SCARA5: variants seen among roughly 807,000 people sequenced by gnomAD.
SCARA5 encodes scavenger receptor class A, member 5 (putative).
SCARA5 carries 45 observed loss-of-function variants against 46.3 expected under a neutral mutation model. The observed-to-expected ratio is 0.97, with a 90% CI of 0.76 to 1.24. The LOEUF is 1.24. Among genes scored for constraint, SCARA5 ranks in the 50% most tolerant of loss-of-function variants. The probability of loss-of-function intolerance (pLI) is 0.00; values close to 1 mark genes in which losing one functional copy is unlikely to be tolerated. For missense variants in SCARA5, 680 were observed against 689.0 expected (o/e 0.99, Z 0.15); for synonymous variants, 333 against 306.5 (o/e 1.09, Z -0.90).
chr8:27,897,471 C>G (rs144905532), intron 7 of SCARA5, among the ~76,000 whole-genome samples: 3 of 152,268 alleles, frequency 2.0e-5, no homozygotes, highest in African/African-American at 7.2e-5. Context: ...AAGATCCCAG[C>G]GTCATTTCTT....
chr8:27,879,713 C>A lies in SCARA5; in HGVS notation c.1207G>T (p.Glu403Ter), dbSNP rs1806781192. 6.2e-7 allele frequency: 1 copy of A among 1,612,956 alleles called. No homozygotes were observed. Among genetic ancestry groups the A allele is most frequent in the African/African-American group, 1.3e-5 (1 of 74,922 alleles). ...TCGTGGTACACTTCCACGCGGCCCT[C>A]GTGCGGACCTGAGCCATTCACCAGG... ...IRLVNGSGPHEGRVEVYHDRR... is the reference protein window; with the variant it reads ...IRLVNGSGPH The change falls in exon 8 of 9, where the codon GAG becomes TAG. Residue 403 changes from glutamate to a stop codon, truncating the protein, a stop_gained. Transcript: ENST00000354914. LOFTEE classifies it high-confidence loss of function.
chr8:27,958,850 G>A (rs998872317), intron 3 of SCARA5, among the ~76,000 whole-genome samples: 5 of 152,204 alleles, frequency 3.3e-5, no homozygotes, highest in Non-Finnish European at 7.3e-5. Context: ...GGGATGGGGT[G>A]AGGAGGAGAT....
rs187858100 is a variant in SCARA5 at position 27,987,000 on chromosome 8, T to C, written c.112+504A>G. Among the ~76,000 whole-genome samples the C allele has an allele frequency of 1.8e-3, 267 of 152,368 alleles. 1 individual carries two copies. The highest frequency in any genetic ancestry group is 6.3e-3 in the African/African-American group (262 of 41,584). On this transcript the variant is annotated intron_variant, in intron 2 of 8. Transcript: ENST00000354914. ...TTTAGCAAATAAGCAGCCCCTGAGA[T>C]GCAAGGCCTTCTGGGTCACTGGCCT...
intron 4 of SCARA5, among the ~76,000 whole-genome samples, chr8:27,917,191 C>G (rs1403059742): frequency 6.6e-6 from 1 of 152,180 alleles, no homozygotes; most frequent in Non-Finnish European, 1.5e-5. Flanking sequence ...ATACACCCAT[C>G]AAGAATCCAA....
In SCARA5 at chr8:27,909,695, C is replaced by T. The variant is rs1356414658; in HGVS notation, c.965G>A (p.Arg322Lys). The change falls in exon 5 of 9, where the codon AGG becomes AAG. Residue 322 changes from arginine to lysine, a missense_variant. Transcript: ENST00000354914. ...TCCAGGCAATCCAGGGATGCCAGGC[C>T]TGCCTTCCTTTCCTTCATCCCCCTG... ...GDQGDEGKEG[R>K]PGIPGLPGLR... 3.2e-6 allele frequency: 5 copies of T among 1,551,538 alleles called. No homozygotes were observed. In the South Asian group the frequency reaches 6.0e-5, roughly 18 times the overall value.
intron 3 of SCARA5, among the ~76,000 whole-genome samples, chr8:27,949,675 G>T (rs553981581): frequency 6.6e-6 from 1 of 152,168 alleles, no homozygotes; most frequent in African/African-American, 2.4e-5. Context: ...CACCCCAACC[G>T]CATCCCATCA....
At chr8:27,943,535 C>T (rs570539809) in intron 3 of SCARA5, among the ~76,000 whole-genome samples, 1 of 152,376 alleles carries the variant, frequency 6.6e-6, no homozygotes, top group East Asian at 1.9e-4. Context: ...ACAACTGGTT[C>T]TCCAAGGGGT....
At chr8:27,917,486 A>G (rs1807481039) in intron 4 of SCARA5, among the ~76,000 whole-genome samples, 1 of 152,164 alleles carries the variant, frequency 6.6e-6, no homozygotes, top group Non-Finnish European at 1.5e-5. Flanking sequence ...TGCCTCAAAT[A>G]CAGGGAACAC....
chr8:27,890,007 A>C (rs2726947), intron 7 of SCARA5, among the ~76,000 whole-genome samples: 148,422 of 152,310 alleles, frequency 0.97, 72,449 homozygotes, highest in East Asian at 1. Context: ...TTTATCCATC[A>C]ATTTGCAGGT....
chr8:27,901,181 C>T (rs1008052010), intron 7 of SCARA5, among the ~76,000 whole-genome samples: 8 of 152,138 alleles, frequency 5.3e-5, no homozygotes, highest in African/African-American at 1.9e-4. Context: ...CAGGGAAAAC[C>T]CCCAACTTCC....
At chr8:27,941,750 A>G (rs1807947513) in intron 3 of SCARA5, among the ~76,000 whole-genome samples, 1 of 151,522 alleles carries the variant, frequency 6.6e-6, no homozygotes, top group African/African-American at 2.4e-5. Context: ...TGCTGTGGAC[A>G]TCATCTCATT....
At chr8:27,877,773 G>A (rs573062205) in intron 8 of SCARA5, among the ~76,000 whole-genome samples, 9 of 152,098 alleles carry the variant, frequency 5.9e-5, no homozygotes, top group African/African-American at 1.2e-4. Flanking sequence ...CTTCGAACTC[G>A]CCCCTCAAAC....
At chr8:27,965,711 A>G (rs1004215240) in intron 3 of SCARA5, among the ~76,000 whole-genome samples, 4 of 152,224 alleles carry the variant, frequency 2.6e-5, no homozygotes, top group African/African-American at 9.6e-5. Flanking sequence ...CCACTGAGAA[A>G]GGTGGGAACT....
chr8:27,890,461 T>C (rs560678659), intron 7 of SCARA5, among the ~76,000 whole-genome samples: 1 of 152,380 alleles, frequency 6.6e-6, no homozygotes, highest in African/African-American at 2.4e-5. Context: ...TGTTTGTCCA[T>C]GGCCCCTTAA....
intron 2 of SCARA5, among the ~76,000 whole-genome samples, chr8:27,974,943 C>T (rs1445382004): frequency 6.6e-6 from 1 of 152,010 alleles, no homozygotes; most frequent in Non-Finnish European, 1.5e-5. Flanking sequence ...TCTTCTAAAG[C>T]TCTTGGGATT....
intron 7 of SCARA5, among the ~76,000 whole-genome samples, chr8:27,901,645 G>C (rs1338937318): frequency 6.6e-6 from 1 of 152,192 alleles, no homozygotes; most frequent in African/African-American, 2.4e-5. Flanking sequence ...TGTTGTTGTG[G>C]TCAGAGCAAG....
intron 5 of SCARA5, among the ~76,000 whole-genome samples, chr8:27,907,995 A>G (rs1807296284): frequency 6.6e-6 from 1 of 152,154 alleles, no homozygotes; most frequent in Non-Finnish European, 1.5e-5. Context: ...GTGTTAGACA[A>G]ATGAGCCAAT....
At chr8:27,907,572 C>CTTTTTTTTTTGTTTTTTTTTTTTTTT (rs1807285854) in intron 5 of SCARA5, among the ~76,000 whole-genome samples, 1 of 97,276 alleles carries the variant, frequency 1.0e-5, no homozygotes, top group African/African-American at 3.9e-5. Context: ...TCAGCAAACA[C>CTTTTTTTTTTGTTTTTTTTTTTTTTT]TTTTTTTTTT....
At chr8:27,958,463 G>C (rs922409185) in intron 3 of SCARA5, among the ~76,000 whole-genome samples, 2 of 152,170 alleles carry the variant, frequency 1.3e-5, no homozygotes, top group Non-Finnish European at 1.5e-5. Context: ...GACTTCAAAC[G>C]ACCCTGACTC....
Sources: allele counts gnomAD v4.1 joint callset (sites outside exome capture counted in the v4.1 genomes callset), GRCh38; gene constraint gnomAD v4.1.1; transcripts MANE v1.5; gene names NCBI Gene and HGNC (gene_info 2026-07-23, HGNC 2026-07-21).